OR7E24: variants seen among roughly 807,000 people sequenced by gnomAD.
OR7E24 encodes the protein olfactory receptor 7E24.
For missense variants in OR7E24, 385 were observed against 410.3 expected (o/e 0.94, Z 0.53); for synonymous variants, 130 against 157.5 (o/e 0.83, Z 1.31).
At chr19:9,239,857 T>C in the OR7E24 span, among the ~76,000 whole-genome samples, 1 of 151,832 alleles carries the variant, frequency 6.6e-6, no homozygotes, top group Non-Finnish European at 1.5e-5. Flanking sequence ...TACAGGCACA[T>C]GCCACAGTGC....
the OR7E24 span, among the ~76,000 whole-genome samples, chr19:9,237,353 C>T: frequency 2.6e-5 from 4 of 152,046 alleles, no homozygotes; most frequent in Non-Finnish European, 5.9e-5. Flanking sequence ...CTCTGTCCCC[C>T]AGGCTGGAGT....
chr19:9,229,612 A>G, the OR7E24 span, among the ~76,000 whole-genome samples: 1 of 152,214 alleles, frequency 6.6e-6, no homozygotes, highest in African/African-American at 2.4e-5. Context: ...TTTAAATCCA[A>G]CTAAAGAAAG....
chr19:9,232,538 C>CAAAAA, the OR7E24 span, among the ~76,000 whole-genome samples: 11 of 62,540 alleles, frequency 1.8e-4, no homozygotes, highest in East Asian at 4.5e-4. Context: ...AACTCCGTCG[C>CAAAAA]AAAAAAAAAA....
At chr19:9,228,512 A>G in the OR7E24 span, among the ~76,000 whole-genome samples, 90 of 152,278 alleles carry the variant, frequency 5.9e-4, no homozygotes, top group African/African-American at 2.1e-3. Flanking sequence ...TTTGCCACCT[A>G]TATTTCCTCT....
the OR7E24 span, among the ~76,000 whole-genome samples, chr19:9,233,531 T>C: frequency 8.9e-4 from 136 of 152,312 alleles, no homozygotes; most frequent in Middle Eastern, 3.4e-3. Flanking sequence ...GTCCACATGC[T>C]TTTTTCTCTT....
the OR7E24 span, among the ~76,000 whole-genome samples, chr19:9,240,360 T>G: frequency 6.6e-6 from 1 of 152,204 alleles, no homozygotes; most frequent in Admixed American, 6.5e-5. Flanking sequence ...TGGAGGATTA[T>G]TCCTATGTTT....
the OR7E24 span, chr19:9,219,230 TAATG>T: frequency 6.6e-6 from 1 of 152,134 alleles, no homozygotes; most frequent in Non-Finnish European, 1.5e-5. Context: ...CGTGAGTAGT[TAATG>T]AATAAGTAAC....
the OR7E24 span, chr19:9,219,730 ACT>A: frequency 2.0e-5 from 3 of 152,026 alleles, no homozygotes; most frequent in African/African-American, 7.3e-5. Context: ...TTTTCTTCCC[ACT>A]CTCCAAAGAG....
the OR7E24 span, among the ~76,000 whole-genome samples, chr19:9,240,533 A>G: frequency 1.1e-4 from 16 of 152,310 alleles, no homozygotes; most frequent in African/African-American, 3.6e-4. Context: ...ATGATTTGCC[A>G]TAAATTCATT....
At chr19:9,244,458 C>T (rs151004038), upstream of OR7E24, among the ~76,000 whole-genome samples, 1 of 152,306 alleles carries the variant, frequency 6.6e-6, no homozygotes, top group African/African-American at 2.4e-5. Context: ...AAAAAGACAG[C>T]CTTTTCAACA....
the OR7E24 span, among the ~76,000 whole-genome samples, chr19:9,220,018 T>A: frequency 3.9e-5 from 6 of 152,036 alleles, no homozygotes; most frequent in Non-Finnish European, 8.8e-5. Context: ...GAAACAAAAA[T>A]GTCTTTTCTT....
chr19:9,220,240 A>G, the OR7E24 span, among the ~76,000 whole-genome samples: 1 of 152,152 alleles, frequency 6.6e-6, no homozygotes, highest in Non-Finnish European at 1.5e-5. Context: ...CATATATATC[A>G]TCATTAACTA....
chr19:9,235,181 TC>T, the OR7E24 span: 4 of 1,396,324 alleles, frequency 2.9e-6, no homozygotes, highest in Non-Finnish European at 4.0e-6. Flanking sequence ...TCAGAATTCC[TC>T]CTCTTAGGAC....
At chr19:9,213,991 G>C in the OR7E24 span, 3 of 1,614,000 alleles carry the variant, frequency 1.9e-6, no homozygotes, top group East Asian at 6.7e-5. Context: ...TTCAGCATGG[G>C]GGTGACCATG....
upstream of OR7E24, among the ~76,000 whole-genome samples, chr19:9,248,470 C>T (rs561728214): frequency 6.6e-6 from 1 of 152,294 alleles, no homozygotes; most frequent in African/African-American, 2.4e-5. Context: ...TTTGGCCAGG[C>T]CTCTCTCTGC....
At chr19:9,217,394 T>C in the OR7E24 span, among the ~76,000 whole-genome samples, 1 of 152,230 alleles carries the variant, frequency 6.6e-6, no homozygotes, top group Non-Finnish European at 1.5e-5. Context: ...AAAAAGGTTG[T>C]TACTATTTAT....
chr19:9,232,852 G>A, the OR7E24 span, among the ~76,000 whole-genome samples: 2 of 152,090 alleles, frequency 1.3e-5, no homozygotes, highest in South Asian at 2.1e-4. Context: ...TAAGTGACGG[G>A]TACCATGTAC....
chr19:9,235,429 G>C, the OR7E24 span: 10 of 1,605,686 alleles, frequency 6.2e-6, no homozygotes, highest in Middle Eastern at 1.6e-4. Flanking sequence ...CTCCTACATG[G>C]GGTGCCTCAC....
the OR7E24 span, among the ~76,000 whole-genome samples, chr19:9,226,917 A>G: frequency 3.4e-4 from 52 of 152,228 alleles, 1 homozygote; most frequent in South Asian, 0.011. Flanking sequence ...TCTTAAGCTC[A>G]GGGGTACAAG....
Sources: gnomAD v4.1 joint callset for allele counts (sites outside exome capture counted in the v4.1 genomes callset) on GRCh38, gnomAD v4.1.1 for gene constraint, MANE v1.5 for transcripts, NCBI Gene and HGNC (gene_info 2026-07-23, HGNC 2026-07-21) for gene names.